Variants in MPDZ observed in about 807,000 individuals in gnomAD.
MPDZ encodes multiple PDZ domain protein.
In MPDZ, 234 loss-of-function variants were observed where a neutral mutation model predicts 239.1. The observed-to-expected ratio is 0.98, with a 90% CI of 0.88 to 1.09. The LOEUF is 1.09. MPDZ is among the 50% of genes least tolerant of loss of function. The probability of loss-of-function intolerance (pLI) is 0.00; values close to 1 mark genes in which losing one functional copy is unlikely to be tolerated. For synonymous variants in MPDZ, 1,048 were observed against 881.3 expected (o/e 1.19, Z -3.35); for missense variants, 3,175 against 2,510.0 (o/e 1.26, Z -5.66).
At chr9:13,255,247 C>A (rs114244848) in intron 1 of MPDZ, among the ~76,000 whole-genome samples, 1 of 152,278 alleles carries the variant, frequency 6.6e-6, no homozygotes, top group East Asian at 1.9e-4. Flanking sequence ...ATTTGAAATT[C>A]TAGTTCTCTT....
At chr9:13,277,116 G>C (rs936863565) in intron 1 of MPDZ, among the ~76,000 whole-genome samples, 3 of 152,156 alleles carry the variant, frequency 2.0e-5, no homozygotes, top group African/African-American at 7.2e-5. Context: ...CATCTGAAAA[G>C]GAAAGATGTC....
At chr9:13,124,846 A>C (rs1293283950) in intron 35 of MPDZ, among the ~76,000 whole-genome samples, 1 of 152,196 alleles carries the variant, frequency 6.6e-6, no homozygotes, top group Non-Finnish European at 1.5e-5. Flanking sequence ...GCTTAAAAAA[A>C]GAATCTACGA....
chr9:13,238,129 T>C (rs115130827), intron 3 of MPDZ, among the ~76,000 whole-genome samples: 2 of 152,168 alleles, frequency 1.3e-5, no homozygotes, highest in African/African-American at 4.8e-5. Flanking sequence ...AAGAGCAGCC[T>C]GTGAAACTGA....
intron 1 of MPDZ, among the ~76,000 whole-genome samples, chr9:13,278,799 A>T (rs1220058092): frequency 6.6e-6 from 1 of 151,996 alleles, no homozygotes; most frequent in East Asian, 2.0e-4. Context: ...CTAAGGCGAG[A>T]ACGCAGGACC....
chr9:13,276,013 T>C (rs1588279714), intron 1 of MPDZ, among the ~76,000 whole-genome samples: 1 of 152,198 alleles, frequency 6.6e-6, no homozygotes, highest in Non-Finnish European at 1.5e-5. Flanking sequence ...TAAGAGCAAC[T>C]AATCCCTATA....
chr9:13,247,866 C>T, intron 2 of MPDZ, 65 bp from the exon 3 acceptor site: 1 of 1,400,776 alleles, frequency 7.1e-7, no homozygotes, highest in Non-Finnish European at 9.7e-7. Context: ...CCTAAGAGGA[C>T]TCCATCTTGT....
In MPDZ at chr9:13,119,441, A is replaced by G. The variant is rs1943992400; in HGVS notation, c.5379+61T>C. On this transcript the variant is annotated intron_variant, in intron 39 of 46. Transcript: ENST00000319217. ...TTACTAATTTGACTATGATAGCCCA[A>G]TGTTAAAATTATCTTTTTTCTTCTA... 5 of 1,538,470 alleles carry G rather than the reference A, an allele frequency of 3.2e-6. No homozygotes were observed. In the South Asian group the frequency reaches 3.8e-5, roughly 12 times the overall value.
intron 40 of MPDZ, 66 bp from the exon 41 acceptor site, chr9:13,114,087 T>C: frequency 8.1e-7 from 1 of 1,235,296 alleles, no homozygotes; most frequent in South Asian, 1.4e-5. Flanking sequence ...TACCACTTAT[T>C]TCAGAATTTA....
In MPDZ at chr9:13,176,388, T is replaced by G; in HGVS notation, c.2679A>C (p.Val893=). ...KDVIENSCDP[V]LDLHMSLEEL... is the part of the protein sequence containing the mutation. ...CCTCCAGAGACATATGCAGATCAAGTACTGGATCACAAGAATTTTCAATAA... is the reference window on the plus strand; with the variant it reads ...CCTCCAGAGACATATGCAGATCAAGGACTGGATCACAAGAATTTTCAATAA... The change falls in exon 20 of 47, where the codon GTA becomes GTC. Residue 893 remains valine (V), a synonymous_variant. Coordinates refer to ENST00000319217, the MANE Select transcript of MPDZ (RefSeq NM_001378778.1). 1 of 1,584,804 alleles carries G rather than the reference T, an allele frequency of 6.3e-7. No homozygotes were observed. The highest frequency in any genetic ancestry group is 1.2e-5 in the South Asian group (1 of 85,374).
chr9:13,137,565 C>A (rs1947004317), intron 29 of MPDZ, among the ~76,000 whole-genome samples: 1 of 152,148 alleles, frequency 6.6e-6, no homozygotes, highest in Non-Finnish European at 1.5e-5. Flanking sequence ...CCCCACCTCA[C>A]CCTCATCACT....
At chr9:13,203,773 C>CACACACACAG (rs1400930663) in intron 12 of MPDZ, among the ~76,000 whole-genome samples, 7 of 125,740 alleles carry the variant, frequency 5.6e-5, no homozygotes, top group African/African-American at 2.1e-4. Context: ...CACACACACA[C>CACACACACAG]AGAGAGAGAA....
chr9:13,144,451 T>C (rs1948168689), intron 26 of MPDZ, among the ~76,000 whole-genome samples: 1 of 152,076 alleles, frequency 6.6e-6, no homozygotes, highest in African/African-American at 2.4e-5. Flanking sequence ...AATAAATTCT[T>C]CTCCTTCTTT....
In MPDZ at chr9:13,115,302, T is replaced by TC; in HGVS notation, c.5411dup (p.Arg1805LysfsTer21). 6.2e-7 allele frequency: 1 copy of TC among 1,612,626 alleles called. No homozygotes were observed. Among genetic ancestry groups the TC allele is most frequent in the Non-Finnish European group, 8.5e-7 (1 of 1,179,754 alleles). ...AATGGAATGGACCAGCTTTGATTCT[T>TC]CCAACTTCCAAGGTTACTGTGCCTA... is the stretch of plus-strand genomic sequence containing the variant. On this transcript the variant is annotated frameshift_variant, in exon 40 of 47. Transcript: ENST00000319217. LOFTEE classifies it high-confidence loss of function.
intron 3 of MPDZ, among the ~76,000 whole-genome samples, chr9:13,237,441 C>CA (rs71331532): frequency 0.013 from 733 of 54,598 alleles, 15 homozygotes; most frequent in African/African-American, 0.042. Flanking sequence ...GACACTGTCT[C>CA]AAAAAAAAAA....
chr9:13,249,494 T>C (rs1352038274), intron 2 of MPDZ, among the ~76,000 whole-genome samples: 1 of 152,136 alleles, frequency 6.6e-6, no homozygotes, highest in African/African-American at 2.4e-5. Context: ...AAAGTCATCA[T>C]AGTGATCCCA....
At chr9:13,143,056 A>G (rs975985101) in intron 27 of MPDZ, among the ~76,000 whole-genome samples, 4 of 152,156 alleles carry the variant, frequency 2.6e-5, no homozygotes, top group African/African-American at 9.6e-5. Context: ...TGCAGTGATT[A>G]ACTCATGGAA....
chr9:13,205,242 G>A lies in MPDZ; in HGVS notation c.1475-135C>T, dbSNP rs536421330. The A allele has an allele frequency of 1.3e-4, 61 of 472,062 alleles. No homozygotes were observed. In the East Asian group the frequency reaches 2.1e-3, roughly 16 times the overall value. The allele number at this position is 472,062 out of a possible 1,614,324, so 29.2% of individuals were successfully genotyped here. A position where few individuals can be genotyped will look rare whatever the true frequency, so the allele number is the denominator to read the frequency against. On this transcript the variant is annotated intron_variant, in intron 11 of 46. Coordinates refer to ENST00000319217, the MANE Select transcript of MPDZ (RefSeq NM_001378778.1). The stretch of plus-strand genomic sequence containing the variant: ...GAGATAAACTTCTCAATAACTATAT[G>A]TACTTAAAGGCAAGTTCTGTTAGTG...
At chr9:13,108,769 A>C (rs546389931) in intron 46 of MPDZ, among the ~76,000 whole-genome samples, 167 bp downstream of exon 46, 1 of 152,130 alleles carries the variant, frequency 6.6e-6, no homozygotes, top group South Asian at 2.1e-4. Flanking sequence ...GAAACCTCAA[A>C]TTGGACAAAA....
rs114432432 is a variant in MPDZ, at chr9:13,180,742, A to G, written c.2649+2676T>C. On this transcript the variant is annotated intron_variant, in intron 19 of 46. Transcript: ENST00000319217. ...GAGCCATGTTGCTCTTAAAATCCAT[A>G]TTTCAATGACCTGCCTCTATTAAGC... 5.2e-3 allele frequency among the ~76,000 whole-genome samples: 799 copies of G among 152,298 alleles called. 5 individuals are homozygous for G. Among genetic ancestry groups the G allele is most frequent in the African/African-American group, 0.019 (771 of 41,574 alleles).
Sources: allele counts gnomAD v4.1 joint callset (sites outside exome capture counted in the v4.1 genomes callset), GRCh38; gene constraint gnomAD v4.1.1; transcripts MANE v1.5; gene names NCBI Gene and HGNC (gene_info 2026-07-23, HGNC 2026-07-21).